Variants in PPP2R3B observed in about 807,000 individuals in gnomAD.
PPP2R3B encodes the protein protein phosphatase 2 regulatory subunit B''beta, also known as serine/threonine-protein phosphatase 2A regulatory subunit B'' subunit beta.
Under a neutral mutation model 72.9 loss-of-function variants are expected in PPP2R3B, and 68 were observed. The observed-to-expected ratio is 0.93, with a 90% CI of 0.77 to 1.14. PPP2R3B has a LOEUF of 1.14. Ranked by LOEUF, PPP2R3B falls within the 50% of genes most tolerant of loss-of-function variation. The pLI, the probability that PPP2R3B is intolerant of heterozygous loss-of-function variation, is 0.00. For missense variants in PPP2R3B, 1,018 were observed against 842.0 expected, an observed-to-expected ratio of 1.21 and a Z score of -2.59; for synonymous variants, 466 against 375.8, an observed-to-expected ratio of 1.24 and a Z score of -2.78.
intron 5 of PPP2R3B, 107 bp from the exon 6 acceptor site, chrX:346,367 C>T (rs2071213093): frequency 1.4e-5 from 16 of 1,133,096 alleles, no homozygotes; most frequent in Admixed American, 2.1e-5. Context: ...CTCAGCCGCA[C>T]GGGGCCGCCA....
In PPP2R3B at chrX:340,956, C is replaced by G; in HGVS notation, c.1176-16G>C. 1 of 1,606,906 alleles carries G rather than the reference C, an allele frequency of 6.2e-7. No individual in the cohort carries two copies. Among genetic ancestry groups the G allele is most frequent in the Non-Finnish European group, 8.5e-7 (1 of 1,176,664 alleles). Reference sequence around the variant, plus strand: ...GTACTCGATGCTGCGGCACGGCGAGCTCTGTCAGCCCCTGCCCTGGGCCCT... The same window carrying G: ...GTACTCGATGCTGCGGCACGGCGAGGTCTGTCAGCCCCTGCCCTGGGCCCT... On this transcript the variant is annotated splice_polypyrimidine_tract_variant and intron_variant, in intron 9 of 12. Coordinates refer to ENST00000390665, the MANE Select transcript of PPP2R3B (RefSeq NM_013239.5).
intron 12 of PPP2R3B, 48 bp downstream of exon 12, chrX:338,556 C>A (rs747575687): frequency 1.5e-6 from 2 of 1,373,584 alleles, no homozygotes; most frequent in Non-Finnish European, 2.0e-6. Flanking sequence ...CCCACTCACC[C>A]GTCCTCCCAC....
In PPP2R3B at chrX:338,916, T is replaced by A. The variant is rs1350076843; in HGVS notation, c.1352-20A>T. Reference sequence around the variant, plus strand: ...TCTTCCCTGCGGGGAGGGGAGTGCGTCCAAGGCGCGTGAGCCCGGTCTCAC... The same window carrying A: ...TCTTCCCTGCGGGGAGGGGAGTGCGACCAAGGCGCGTGAGCCCGGTCTCAC... On this transcript the variant is annotated intron_variant, in intron 10 of 12. Coordinates refer to ENST00000390665, the MANE Select transcript of PPP2R3B (RefSeq NM_013239.5). 5.6e-6 allele frequency: 9 copies of A among 1,604,922 alleles called. No homozygotes were observed. The highest frequency in any genetic ancestry group is 4.4e-5 in the South Asian group (4 of 90,916).
chrX:364,532 A>C (rs1384656345), intron 1 of PPP2R3B, among the ~76,000 whole-genome samples: 3 of 151,166 alleles, frequency 2.0e-5, no homozygotes, highest in African/African-American at 7.3e-5. Flanking sequence ...AAAAAAAAAA[A>C]AACAGAAAAC....
intron 12 of PPP2R3B, chrX:336,381 A>G (rs999173982): frequency 1.3e-5 from 2 of 152,218 alleles, no homozygotes; most frequent in African/African-American, 4.8e-5. Context: ...CAGACCAGGA[A>G]GAGGGAGAAC....
Position 341,371 on chromosome X carries a change from T to C in PPP2R3B, c.1111A>G (p.Lys371Glu). Residue 371 changes from lysine to glutamate, a missense_variant, in exon 9 of 13, where the codon AAG (lysine) becomes GAG (glutamate). Coordinates refer to ENST00000390665, the MANE Select transcript of PPP2R3B (RefSeq NM_013239.5). ...CAGACAAAGTCGGCATAGCTGATCT[T>C]CCCTTCCTTCTGCACTTTTCTGCCT... ...TRGRKVQKEG[K>E]ISYADFVWFL... is the part of the protein sequence containing the mutation. The C allele has an allele frequency of 6.2e-7, 1 of 1,612,714 alleles. No individual in the cohort carries two copies. Among genetic ancestry groups the C allele is most frequent in the Non-Finnish European group, 8.5e-7 (1 of 1,179,740 alleles).
intron 1 of PPP2R3B, among the ~76,000 whole-genome samples, chrX:380,981 G>A (rs1480519599): frequency 6.6e-6 from 1 of 151,228 alleles, no homozygotes; most frequent in East Asian, 2.0e-4. Context: ...TGTTGCCCCG[G>A]CGGGAGTGCA....
rs1420032386 is a variant in PPP2R3B at position 368,521 on chromosome X, A to AC, written c.325-6932dup. On this transcript the variant is annotated intron_variant, in intron 1 of 12. Transcript: ENST00000390665. Reference sequence around the variant, plus strand: ...CCGGGACCACCCACCTTGGGCACCGACGGGGGGAAGGACGGGACCACCCAC... The same window carrying AC: ...CCGGGACCACCCACCTTGGGCACCGACCGGGGGGAAGGACGGGACCACCCAC... Among the ~76,000 whole-genome samples the AC allele has an allele frequency of 3.5e-4, 43 of 123,666 alleles. 5 individuals carry two copies. The highest frequency in any genetic ancestry group is 8.3e-5 in the Non-Finnish European group (5 of 59,998). The allele number at this position is 123,666 out of a possible 152,430, so 81.1% of individuals were successfully genotyped here.
intron 6 of PPP2R3B, 35 bp from the exon 7 acceptor site, chrX:345,707 C>T (rs756440361): frequency 6.2e-7 from 1 of 1,600,764 alleles, no homozygotes; most frequent in South Asian, 1.1e-5. Flanking sequence ...AGCGCGGGGC[C>T]TCTGCGGGGA....
At chrX:370,163 A>G (rs1287823018) in intron 1 of PPP2R3B, among the ~76,000 whole-genome samples, 3 of 152,216 alleles carry the variant, frequency 2.0e-5, no homozygotes, top group Non-Finnish European at 2.9e-5. Context: ...GGAGCCGAAC[A>G]CGGAGATGAG....
intron 1 of PPP2R3B, among the ~76,000 whole-genome samples, chrX:364,551 A>G (rs1432933461): frequency 1.3e-5 from 2 of 151,892 alleles, no homozygotes; most frequent in Non-Finnish European, 2.9e-5. Context: ...ACAAAAAACA[A>G]AAAGAGTATA....
intron 1 of PPP2R3B, among the ~76,000 whole-genome samples, chrX:371,412 T>A (rs2071860803): frequency 6.6e-6 from 1 of 152,034 alleles, no homozygotes; most frequent in South Asian, 2.1e-4. Context: ...TTGTCAAGGA[T>A]GCCGGTGACA....
chrX:359,095 C>T (rs765993591), intron 2 of PPP2R3B, among the ~76,000 whole-genome samples: 69 of 152,224 alleles, frequency 4.5e-4, no homozygotes, highest in African/African-American at 1.6e-3. Context: ...GCGGACGCAG[C>T]GCGTGAGCTG....
At chrX:356,943 C>A (rs1211713861) in intron 2 of PPP2R3B, among the ~76,000 whole-genome samples, 1 of 150,426 alleles carries the variant, frequency 6.6e-6, no homozygotes, top group Admixed American at 6.6e-5. Context: ...ACAGCGAGCC[C>A]CACAGTATCC....
At chrX:378,200 A>G (rs1227248996) in intron 1 of PPP2R3B, among the ~76,000 whole-genome samples, 1 of 152,214 alleles carries the variant, frequency 6.6e-6, no homozygotes, top group East Asian at 1.9e-4. Context: ...TGGGCCGATG[A>G]AGCCCCTCAC....
chrX:372,048 C>A (rs2071877640), intron 1 of PPP2R3B, among the ~76,000 whole-genome samples: 1 of 152,228 alleles, frequency 6.6e-6, no homozygotes, highest in Non-Finnish European at 1.5e-5. Flanking sequence ...CAGGGCCCCA[C>A]TGCAGGGCTG....
intron 2 of PPP2R3B, among the ~76,000 whole-genome samples, chrX:358,006 CGT>C (rs2071469563): frequency 6.6e-6 from 1 of 152,196 alleles, no homozygotes; most frequent in Admixed American, 6.5e-5. Context: ...TCCCCTCAGA[CGT>C]GAGTTCTCAA....
chrX:345,258 G>C (rs1449208638), intron 7 of PPP2R3B: 5 of 685,556 alleles, frequency 7.3e-6, no homozygotes, highest in Non-Finnish European at 1.3e-5. Flanking sequence ...AGGAGCTTCA[G>C]GACCAGCGGC....
chrX:385,320 CTTTTTTTTTTT>C (rs1178231888), intron 1 of PPP2R3B, among the ~76,000 whole-genome samples: 20 of 75,606 alleles, frequency 2.6e-4, no homozygotes, highest in African/African-American at 7.7e-4. Context: ...TTTTAGTTTT[CTTTTTTTTTTT>C]TTTTTTTTTT....
Sources: gnomAD v4.1 joint callset for allele counts (sites outside exome capture counted in the v4.1 genomes callset) on GRCh38, gnomAD v4.1.1 for gene constraint, MANE v1.5 for transcripts, NCBI Gene and HGNC (gene_info 2026-07-23, HGNC 2026-07-21) for gene names.